EPC1: variants seen among roughly 807,000 people sequenced by gnomAD.
EPC1 encodes enhancer of polycomb 1, also known as enhancer of polycomb homolog 1.
Under a neutral mutation model 98.4 loss-of-function variants are expected in EPC1, and 12 were observed. That is an observed-to-expected ratio of 0.12 (90% CI 0.08 to 0.20). The LOEUF is 0.20. Ranked by LOEUF, EPC1 falls within the 10% of genes least tolerant of loss-of-function variation. The probability of loss-of-function intolerance (pLI) is 1.00; values close to 1 mark genes in which losing one functional copy is unlikely to be tolerated. For synonymous variants in EPC1, 357 were observed against 363.9 expected (o/e 0.98, Z 0.21); for missense variants, 729 against 990.5 (o/e 0.74, Z 3.54).
chr10:32,350,055 T>C (rs1462175424), upstream of EPC1, among the ~76,000 whole-genome samples: 1 of 152,252 alleles, frequency 6.6e-6, no homozygotes, highest in African/African-American at 2.4e-5. Context: ...AAAAATTCTT[T>C]TCTGTTCTCA....
At position 32,284,877 on chromosome 10, in the gene EPC1, T is replaced by A; in HGVS notation, c.1565A>T (p.Lys522Ile). 1 of 1,614,232 alleles carries A rather than the reference T, an allele frequency of 6.2e-7. No homozygotes were observed. The highest frequency in any genetic ancestry group is 8.5e-7 in the Non-Finnish European group (1 of 1,180,034). ...CCTAAAATGCCGCCATCTACATGATTTGATATTGACTAGTATCTGACTGAG... is the reference window on the plus strand; with the variant it reads ...CCTAAAATGCCGCCATCTACATGATATGATATTGACTAGTATCTGACTGAG... ...KDLSQILVNI[K>I]SCRWRHFRPR... Residue 522 changes from lysine (K) to isoleucine (I), a missense_variant, in exon 10 of 14, where the codon AAA (lysine) becomes ATA (isoleucine). This residue lies in a region of EPC1 where 390 missense variants were observed against 438.6 expected (regional missense o/e 0.89). Transcript: ENST00000319778.
intron 1 of EPC1, among the ~76,000 whole-genome samples, chr10:32,336,067 C>CT (rs1222918543): frequency 0.091 from 5,044 of 55,156 alleles, 191 homozygotes; most frequent in Middle Eastern, 0.19. Context: ...ACTACCTTTT[C>CT]TTTTTTTTTT....
chr10:32,339,947 C>T (rs1206505650), intron 1 of EPC1, among the ~76,000 whole-genome samples: 1 of 152,118 alleles, frequency 6.6e-6, no homozygotes, highest in Non-Finnish European at 1.5e-5. Context: ...TATACAATTG[C>T]TACATTATCA....
chr10:32,346,829 G>C lies in EPC1; in HGVS notation c.87C>G (p.His29Gln). 1.2e-6 allele frequency: 2 copies of C among 1,614,188 alleles called. No individual in the cohort carries two copies. The highest frequency in any genetic ancestry group is 1.7e-6 in the Non-Finnish European group (2 of 1,180,016). The change falls in exon 1 of 14, where the codon CAC becomes CAG. Residue 29 changes from histidine (H) to glutamine (Q), a missense_variant. Physicochemically the swap from His to Gln is conservative, Grantham distance 24. Transcript: ENST00000319778. ...VFRCEDLPDL[H>Q]EYASINRAVP... is the part of the protein sequence containing the mutation. ...CGGCCCTGTTTATCGAGGCGTATTC[G>C]TGCAGGTCGGGCAGATCCTCACAGC...
chr10:32,275,632 G>C (rs1482698652), intron 10 of EPC1, among the ~76,000 whole-genome samples: 1 of 151,984 alleles, frequency 6.6e-6, no homozygotes, highest in Non-Finnish European at 1.5e-5. Context: ...AAAATTAGCC[G>C]GGCGTGGTGG....
intron 1 of EPC1, among the ~76,000 whole-genome samples, chr10:32,368,554 T>C (rs990296747): frequency 2.0e-5 from 3 of 152,190 alleles, no homozygotes; most frequent in Non-Finnish European, 4.4e-5. Context: ...TTTGTTTTGT[T>C]TTGGTTTGGT....
chr10:32,287,880 T>C (rs1050426947), intron 6 of EPC1, among the ~76,000 whole-genome samples: 1 of 152,044 alleles, frequency 6.6e-6, no homozygotes, highest in South Asian at 2.1e-4. Context: ...AATCATTAAA[T>C]AGGGGAAATG....
At chr10:32,336,363 C>T (rs1042422446) in intron 1 of EPC1, among the ~76,000 whole-genome samples, 6 of 152,200 alleles carry the variant, frequency 3.9e-5, no homozygotes, top group Non-Finnish European at 7.4e-5. Context: ...CCACCGTGCC[C>T]GGCCTACTAC....
chr10:32,373,525 T>A (rs937782791), intron 1 of EPC1, among the ~76,000 whole-genome samples: 1 of 152,166 alleles, frequency 6.6e-6, no homozygotes, highest in Non-Finnish European at 1.5e-5. Flanking sequence ...GTTAAACCAA[T>A]CCTGGTAATT....
At chr10:32,360,351 A>C (rs778472317) in intron 1 of EPC1, among the ~76,000 whole-genome samples, 1 of 152,212 alleles carries the variant, frequency 6.6e-6, no homozygotes, top group African/African-American at 2.4e-5. Context: ...GTGGCTGCCC[A>C]ATCTCCAAAT....
chr10:32,307,076 T>C (rs1340714127), intron 1 of EPC1, among the ~76,000 whole-genome samples: 1 of 152,196 alleles, frequency 6.6e-6, no homozygotes, highest in Non-Finnish European at 1.5e-5. Context: ...TAGAACTTTA[T>C]CCCTAGCTTT....
At chr10:32,305,689 C>T (rs373526430) in intron 2 of EPC1, 83 bp downstream of exon 2, 74 of 1,156,614 alleles carry the variant, frequency 6.4e-5, no homozygotes, top group East Asian at 2.6e-4. Context: ...ATAACAAAAA[C>T]GCTCCTGAAG....
chr10:32,344,508 G>A (rs565998390), intron 1 of EPC1, among the ~76,000 whole-genome samples: 1 of 152,280 alleles, frequency 6.6e-6, no homozygotes, highest in African/African-American at 2.4e-5. Flanking sequence ...AAAATTGGCC[G>A]GGCGCGGTGG....
In EPC1 at chr10:32,291,247, A is replaced by G. The variant is rs745590346; in HGVS notation, c.891T>C (p.Tyr297=). ...MAQRQPMKPT[Y]AIPIIPITNS... ...TAGTAATAGGGATGATGGGGATGGC[A>G]TAAGTAGGTTTCATTGGCTGTCTCT... Residue 297 remains tyrosine, a synonymous_variant, in exon 6 of 14, where the codon TAT becomes TAC. Transcript: ENST00000319778. The G allele has an allele frequency of 3.1e-6, 5 of 1,613,944 alleles. No individual in the cohort carries two copies. The highest frequency in any genetic ancestry group is 4.5e-5 in the East Asian group (2 of 44,882).
At chr10:32,297,220 A>G (rs1368039633) in intron 2 of EPC1, among the ~76,000 whole-genome samples, 3 of 152,106 alleles carry the variant, frequency 2.0e-5, no homozygotes, top group Non-Finnish European at 4.4e-5. Context: ...AAAACAGGCA[A>G]ATAGGTCATC....
chr10:32,344,720 A>T (rs955812764), intron 1 of EPC1, among the ~76,000 whole-genome samples: 2 of 152,300 alleles, frequency 1.3e-5, no homozygotes, highest in East Asian at 3.9e-4. Context: ...CGGGAGGCGG[A>T]GGGTTGTAGT....
intron 1 of EPC1, among the ~76,000 whole-genome samples, chr10:32,311,801 T>C (rs1836246700): frequency 6.6e-6 from 1 of 152,240 alleles, no homozygotes; most frequent in Non-Finnish European, 1.5e-5. Flanking sequence ...ACAGGTTATG[T>C]GACTCTAGTC....
At chr10:32,279,811 AC>A (rs993813125) in intron 10 of EPC1, among the ~76,000 whole-genome samples, 4 of 152,206 alleles carry the variant, frequency 2.6e-5, no homozygotes, top group Non-Finnish European at 4.4e-5. Context: ...TATTAAAAAA[AC>A]AACTGTATTT....
intron 1 of EPC1, among the ~76,000 whole-genome samples, chr10:32,326,998 A>C (rs1380266226): frequency 2.5e-4 from 1 of 3,988 alleles, no homozygotes; most frequent in Non-Finnish European, 2.4e-3. Flanking sequence ...GAGGGTCCTC[A>C]AAAAAAAAAA....
Sources: allele counts gnomAD v4.1 joint callset (sites outside exome capture counted in the v4.1 genomes callset), GRCh38; gene constraint gnomAD v4.1.1; regional missense constraint gnomAD v4.1.1; transcripts MANE v1.5; gene names NCBI Gene and HGNC (gene_info 2026-07-23, HGNC 2026-07-21).